The following SLC35F4 variants were observed in gnomAD, a reference collection of about 807,000 sequenced individuals.
SLC35F4 encodes the protein chromosome 14 open reading frame 36.
In SLC35F4, 24 loss-of-function variants were observed where a neutral mutation model predicts 44.2. That is an observed-to-expected ratio of 0.54 (90% CI 0.39 to 0.76). The LOEUF (loss-of-function observed/expected upper bound fraction) is 0.76, where lower values mean the gene tolerates loss of function less well. SLC35F4 is among the 30% of genes least tolerant of loss of function. SLC35F4 has a pLI of 0.00. For synonymous variants in SLC35F4, 238 were observed against 223.6 expected, an observed-to-expected ratio of 1.06 and a Z score of -0.57; for missense variants, 562 against 586.1, an observed-to-expected ratio of 0.96 and a Z score of 0.42.
intron 1 of SLC35F4, among the ~76,000 whole-genome samples, chr14:57,682,125 C>G (rs1006029959): frequency 6.6e-6 from 1 of 152,060 alleles, no homozygotes; most frequent in Non-Finnish European, 1.5e-5. Context: ...TAGCATTTGA[C>G]CCAGCAATCC....
Position 57,733,821 on chromosome 14 carries a change from G to A in SLC35F4, c.103+131902C>T, listed in dbSNP as rs979338425. On this transcript the variant is annotated intron_variant, in intron 1 of 7. Coordinates refer to ENST00000556826, the MANE Select transcript of SLC35F4 (RefSeq NM_001306087.2). ...TAGGAATGTGGACAGCAAGCTCAAT[G>A]TGTTATAAAGGATAATGCTTGCCAT... Among the ~76,000 whole-genome samples, 16 of 135,696 alleles carry A rather than the reference G, an allele frequency of 1.2e-4. No individual in the cohort carries two copies. The South Asian group carries it at 2.8e-3, about 23-fold the overall frequency. 89.0% of individuals were successfully genotyped at this position (135,696 alleles called of 152,430 possible).
chr14:57,977,945 A>C (rs895292770), intron 1 of SLC35F4, among the ~76,000 whole-genome samples: 2 of 152,216 alleles, frequency 1.3e-5, no homozygotes, highest in African/African-American at 4.8e-5. Context: ...ACTTTTGGCC[A>C]GTGGTAATTG....
chr14:57,867,846 A>G (rs1853333597), upstream of SLC35F4, among the ~76,000 whole-genome samples: 1 of 152,206 alleles, frequency 6.6e-6, no homozygotes, highest in Non-Finnish European at 1.5e-5. Context: ...GAGAGAAATT[A>G]GGAAACAATT....
intron 1 of SLC35F4, among the ~76,000 whole-genome samples, chr14:57,926,724 T>A (rs78871425): frequency 4.5e-5 from 1 of 22,124 alleles, no homozygotes; most frequent in Admixed American, 4.8e-4. Flanking sequence ...TGAAGTAGGG[T>A]TGGGGGGGGG....
chr14:57,780,727 T>A (rs886659173), intron 1 of SLC35F4, among the ~76,000 whole-genome samples: 1 of 151,788 alleles, frequency 6.6e-6, no homozygotes, highest in Non-Finnish European at 1.5e-5. Context: ...GGTACTGGTA[T>A]AAAAACAGAC....
intron 1 of SLC35F4, among the ~76,000 whole-genome samples, chr14:57,733,898 G>A (rs1233222848): frequency 6.6e-6 from 1 of 152,038 alleles, no homozygotes; most frequent in Non-Finnish European, 1.5e-5. Flanking sequence ...GCTTCCATAT[G>A]TATTTTATTT....
intron 1 of SLC35F4, among the ~76,000 whole-genome samples, chr14:57,665,360 T>C (rs1055887390): frequency 1.3e-5 from 2 of 152,196 alleles, no homozygotes; most frequent in South Asian, 4.1e-4. Context: ...CATCTCATTA[T>C]GGGCCAGATA....
chr14:57,721,815 A>G (rs2076091846), intron 1 of SLC35F4, among the ~76,000 whole-genome samples: 1 of 152,124 alleles, frequency 6.6e-6, no homozygotes, highest in South Asian at 2.1e-4. Context: ...TTGCCTCCCC[A>G]ACCCATGCTG....
At chr14:57,970,904 T>C (rs1216589298) in intron 1 of SLC35F4, among the ~76,000 whole-genome samples, 1 of 152,166 alleles carries the variant, frequency 6.6e-6, no homozygotes, top group Non-Finnish European at 1.5e-5. Context: ...TGAAGGACAT[T>C]TTTTCCTCTG....
At chr14:57,872,159 A>G (rs1344182957) in intron 1 of SLC35F4, among the ~76,000 whole-genome samples, 2 of 152,228 alleles carry the variant, frequency 1.3e-5, no homozygotes, top group African/African-American at 4.8e-5. Context: ...AATGAGTACT[A>G]TTGCCAAAAG....
intron 1 of SLC35F4, among the ~76,000 whole-genome samples, chr14:57,648,373 C>T (rs1048295084): frequency 6.6e-6 from 1 of 152,088 alleles, no homozygotes; most frequent in Non-Finnish European, 1.5e-5. Context: ...GATATAGCTA[C>T]TAACACTGTA....
chr14:57,940,834 A>G lies in SLC35F4; in HGVS notation n.282+41079T>C, dbSNP rs77303358. ...TCAAAATGTGCTAGTTCTATGTTCC[A>G]TGATCTCAGGCCCCACTCCCTCCCA... is the stretch of plus-strand genomic sequence containing the variant. On this transcript the variant is annotated intron_variant and non_coding_transcript_variant, in intron 1 of 1. Transcript: ENST00000556568. 3.1e-3 allele frequency among the ~76,000 whole-genome samples: 465 copies of G among 152,170 alleles called. 3 individuals are homozygous for G. Among genetic ancestry groups the G allele is most frequent in the Admixed American group, 7.9e-3 (121 of 15,270 alleles).
At chr14:57,950,230 TC>T in intron 1 of SLC35F4, among the ~76,000 whole-genome samples, 1 of 152,076 alleles carries the variant, frequency 6.6e-6, no homozygotes, top group South Asian at 2.1e-4. Context: ...TTTTTTTTAT[TC>T]TTTTTTTTTC....
Position 57,760,114 on chromosome 14 carries a change from T to C in SLC35F4, c.103+105609A>G, listed in dbSNP as rs578154635. Among the ~76,000 whole-genome samples, 6 of 152,254 alleles carry C rather than the reference T, an allele frequency of 3.9e-5. No individual in the cohort carries two copies. The South Asian group carries it at 1.2e-3, about 31-fold the overall frequency. ...CAAAAAATCATTGCCAAGTCCAATG[T>C]CAAAGAGCTTTTTCCCAGTTGTTAT... On this transcript the variant is annotated intron_variant, in intron 1 of 7. Transcript: ENST00000556826.
intron 1 of SLC35F4, among the ~76,000 whole-genome samples, chr14:57,838,884 G>A (rs899016316): frequency 2.6e-5 from 4 of 152,110 alleles, no homozygotes; most frequent in Admixed American, 1.3e-4. Context: ...CTGGAATAGA[G>A]AATTCACATG....
chr14:57,978,714 A>G (rs1223774309), intron 1 of SLC35F4, among the ~76,000 whole-genome samples: 1 of 152,246 alleles, frequency 6.6e-6, no homozygotes, highest in Non-Finnish European at 1.5e-5. Flanking sequence ...CCTTATTTAC[A>G]GTGAACCATT....
intron 1 of SLC35F4, among the ~76,000 whole-genome samples, chr14:57,921,929 A>C (rs1318350278): frequency 6.6e-6 from 1 of 152,174 alleles, no homozygotes; most frequent in Non-Finnish European, 1.5e-5. Flanking sequence ...ACCACTTTGC[A>C]AAAAATGTTA....
chr14:57,906,146 A>G (rs527316036), intron 1 of SLC35F4, among the ~76,000 whole-genome samples: 2 of 152,236 alleles, frequency 1.3e-5, no homozygotes, highest in South Asian at 4.1e-4. Flanking sequence ...AAAACTTTTT[A>G]TCACAAAAGT....
At chr14:57,644,576 C>G (rs998740445) in intron 1 of SLC35F4, among the ~76,000 whole-genome samples, 2 of 151,924 alleles carry the variant, frequency 1.3e-5, no homozygotes, top group African/African-American at 2.4e-5. Flanking sequence ...CCTGTTCACT[C>G]TGATGGTGGT....
Sources: gnomAD v4.1 joint callset for allele counts (sites outside exome capture counted in the v4.1 genomes callset) on GRCh38, gnomAD v4.1.1 for gene constraint, MANE v1.5 for transcripts, NCBI Gene and HGNC (gene_info 2026-07-23, HGNC 2026-07-21) for gene names.